Variants in HMGCLL1 observed in about 807,000 individuals in gnomAD.
The protein encoded by HMGCLL1 is 3-hydroxymethyl-3-methylglutaryl-CoA lyase, cytoplasmic.
A neutral mutation model predicts 39.1 loss-of-function variants in HMGCLL1; 36 were observed. The observed-to-expected ratio is 0.92, with a 90% CI of 0.71 to 1.22. The LOEUF (loss-of-function observed/expected upper bound fraction) is 1.22. Ranked by LOEUF, HMGCLL1 falls within the 50% of genes most tolerant of loss-of-function variation. HMGCLL1 has a pLI of 0.00. For missense variants in HMGCLL1, 451 were observed against 416.5 expected, an observed-to-expected ratio of 1.08 and a Z score of -0.72; for synonymous variants, 149 against 144.0, an observed-to-expected ratio of 1.03 and a Z score of -0.25.
chr6:55,668,475 A>C, the HMGCLL1 span, among the ~76,000 whole-genome samples: 3 of 151,888 alleles, frequency 2.0e-5, no homozygotes, highest in Non-Finnish European at 4.4e-5. Flanking sequence ...TAAACACATC[A>C]CATCCCATCC....
chr6:55,576,248 G>A (rs1388566879), intron 1 of HMGCLL1, among the ~76,000 whole-genome samples: 1 of 152,198 alleles, frequency 6.6e-6, no homozygotes, highest in African/African-American at 2.4e-5. Context: ...GAGGGCGGAA[G>A]ATTAATTAGA....
chr6:55,579,225 G>C (rs1316906886), upstream of HMGCLL1: 2 of 607,876 alleles, frequency 3.3e-6, no homozygotes, highest in Non-Finnish European at 5.8e-6. Flanking sequence ...GCGGGGAGTG[G>C]GGCGTGGCAG....
At chr6:55,498,140 C>T (rs1394831477) in intron 6 of HMGCLL1, among the ~76,000 whole-genome samples, 6 of 152,200 alleles carry the variant, frequency 3.9e-5, no homozygotes, top group East Asian at 3.9e-4. Flanking sequence ...TTCATTCCTA[C>T]GTGGTGCACA....
At chr6:55,591,230 G>A in the HMGCLL1 span, among the ~76,000 whole-genome samples, 142 of 152,070 alleles carry the variant, frequency 9.3e-4, no homozygotes, top group African/African-American at 2.3e-3. Flanking sequence ...ACTATGTGAA[G>A]GACTCAATCT....
chr6:55,539,017 C>G (rs1769188204), intron 3 of HMGCLL1, among the ~76,000 whole-genome samples: 1 of 152,134 alleles, frequency 6.6e-6, no homozygotes, highest in Admixed American at 6.6e-5. Flanking sequence ...TGTTTTAAGC[C>G]TTTCTATCTA....
the HMGCLL1 span, among the ~76,000 whole-genome samples, chr6:55,676,078 A>G: frequency 6.6e-6 from 1 of 152,174 alleles, no homozygotes; most frequent in Non-Finnish European, 1.5e-5. Context: ...GTTAAGGCAT[A>G]TGCTTTTTGA....
At chr6:55,578,872 C>A (rs1263473339) in intron 1 of HMGCLL1, 76 bp downstream of exon 1, 39 of 1,068,416 alleles carry the variant, frequency 3.7e-5, no homozygotes, top group African/African-American at 4.7e-5. Flanking sequence ...AGGAGGGCAC[C>A]AAGAGGTTGC....
chr6:55,452,084 T>A (rs922235109), intron 7 of HMGCLL1, among the ~76,000 whole-genome samples: 4 of 152,170 alleles, frequency 2.6e-5, no homozygotes, highest in African/African-American at 7.2e-5. Flanking sequence ...TCAAGGTGCA[T>A]ATAGGCCTAT....
At chr6:55,662,860 T>C in the HMGCLL1 span, among the ~76,000 whole-genome samples, 1 of 151,896 alleles carries the variant, frequency 6.6e-6, no homozygotes, top group African/African-American at 2.4e-5. Flanking sequence ...ACTGATTAAA[T>C]TTCAGAGCTA....
At chr6:55,522,990 C>T (rs1768113159) in intron 3 of HMGCLL1, among the ~76,000 whole-genome samples, 1 of 151,948 alleles carries the variant, frequency 6.6e-6, no homozygotes, top group African/African-American at 2.4e-5. Context: ...ACAGTGGTAT[C>T]TTTACAATGA....
intron 7 of HMGCLL1, among the ~76,000 whole-genome samples, chr6:55,468,059 T>C (rs1764867291): frequency 6.6e-6 from 1 of 151,926 alleles, no homozygotes; most frequent in Non-Finnish European, 1.5e-5. Context: ...GATTTGGGAA[T>C]GAGAAGGAGC....
At chr6:55,589,616 C>T in the HMGCLL1 span, among the ~76,000 whole-genome samples, 1 of 152,142 alleles carries the variant, frequency 6.6e-6, no homozygotes, top group East Asian at 1.9e-4. Context: ...CAAGTTGTCC[C>T]TGTTTGCAGA....
At chr6:55,625,126 A>T in the HMGCLL1 span, among the ~76,000 whole-genome samples, 1 of 152,120 alleles carries the variant, frequency 6.6e-6, no homozygotes, top group Non-Finnish European at 1.5e-5. Flanking sequence ...AACAAGGCCC[A>T]GCCGTCTTCT....
chr6:55,485,029 G>C (rs1765949499), intron 7 of HMGCLL1, among the ~76,000 whole-genome samples: 2 of 152,056 alleles, frequency 1.3e-5, no homozygotes, highest in African/African-American at 4.8e-5. Flanking sequence ...CATGTTGTTT[G>C]TTGAACACAT....
the HMGCLL1 span, among the ~76,000 whole-genome samples, chr6:55,656,959 T>C: frequency 6.6e-6 from 1 of 151,964 alleles, no homozygotes; most frequent in African/African-American, 2.4e-5. Flanking sequence ...ATTCTGAATA[T>C]ATTTTGAAAG....
chr6:55,468,756 A>G (rs1764901392), intron 7 of HMGCLL1, among the ~76,000 whole-genome samples: 1 of 152,016 alleles, frequency 6.6e-6, no homozygotes. Context: ...ATAGACATTT[A>G]GATTTTAGAG....
intron 7 of HMGCLL1, among the ~76,000 whole-genome samples, chr6:55,487,768 C>T (rs551847712): frequency 5.9e-5 from 9 of 151,990 alleles, no homozygotes; most frequent in East Asian, 3.9e-4. Context: ...TAACACAAAG[C>T]GTTAATCAAA....
intron 1 of HMGCLL1, among the ~76,000 whole-genome samples, chr6:55,558,145 T>C (rs1282939529): frequency 2.6e-5 from 4 of 152,226 alleles, no homozygotes; most frequent in African/African-American, 7.2e-5. Context: ...ACCAGAAGGA[T>C]AGAAAACTAA....
At chr6:55,509,496 ACACT>A (rs761881032) in intron 5 of HMGCLL1, among the ~76,000 whole-genome samples, 10 of 151,906 alleles carry the variant, frequency 6.6e-5, no homozygotes, top group Non-Finnish European at 1.5e-4. Flanking sequence ...GAGGAAAGAC[ACACT>A]CAATGCAACG....
Sources: gnomAD v4.1 joint callset for allele counts (sites outside exome capture counted in the v4.1 genomes callset) on GRCh38, gnomAD v4.1.1 for gene constraint, MANE v1.5 for transcripts, NCBI Gene and HGNC (gene_info 2026-07-23, HGNC 2026-07-21) for gene names.